The following SPOP variants were observed in gnomAD, a reference collection of about 807,000 sequenced individuals.
SPOP encodes speckle-type POZ protein.
Under a neutral mutation model 45.6 loss-of-function variants are expected in SPOP, and 11 were observed. That is an observed-to-expected ratio of 0.24 (90% CI 0.15 to 0.40). SPOP has a LOEUF of 0.40. Among genes scored for constraint, SPOP ranks in the 10% least tolerant of loss-of-function variants. The probability of loss-of-function intolerance (pLI) is 1.00; values close to 1 mark genes in which losing one functional copy is unlikely to be tolerated. For missense variants in SPOP, 152 were observed against 465.6 expected, an observed-to-expected ratio of 0.33 and a Z score of 6.20; for synonymous variants, 166 against 166.3, an observed-to-expected ratio of 1.00 and a Z score of 0.01.
At chr17:49,654,740 G>A (rs908380533) in intron 1 of SPOP, among the ~76,000 whole-genome samples, 3 of 152,188 alleles carry the variant, frequency 2.0e-5, no homozygotes, top group South Asian at 2.1e-4. Flanking sequence ...GGCTGAGATC[G>A]CATCAATGCA....
chr17:49,630,336 A>T (rs552448669), intron 1 of SPOP, among the ~76,000 whole-genome samples: 19 of 152,190 alleles, frequency 1.2e-4, no homozygotes, highest in Admixed American at 9.8e-4. Flanking sequence ...CATTACCCCA[A>T]GGGTAGTTAT....
Position 49,621,943 on chromosome 17 carries a change from C to T in SPOP, c.200+3G>A, listed in dbSNP as rs937677129. 6.8e-6 allele frequency: 11 copies of T among 1,613,250 alleles called. No homozygotes were observed. The African/African-American group carries it at 1.1e-4, about 16-fold the overall frequency. ...TTTTACAGTTAGACGTATTCTTCCTCACCATTTCAGTTTATCATTTGCTCC... is the reference window on the plus strand; with the variant it reads ...TTTTACAGTTAGACGTATTCTTCCTTACCATTTCAGTTTATCATTTGCTCC... On this transcript the variant is annotated splice_donor_region_variant and intron_variant, in intron 3 of 9. Coordinates refer to ENST00000504102, the MANE Select transcript of SPOP (RefSeq NM_001007228.2).
intron 1 of SPOP, among the ~76,000 whole-genome samples, chr17:49,659,775 A>G (rs1406834403): frequency 6.6e-6 from 1 of 152,138 alleles, no homozygotes; most frequent in Non-Finnish European, 1.5e-5. Context: ...TTCGCATCTC[A>G]AATTTAACAT....
At chr17:49,613,681 T>G (rs764341103) in intron 5 of SPOP, among the ~76,000 whole-genome samples, 2 of 152,198 alleles carry the variant, frequency 1.3e-5, no homozygotes, top group Non-Finnish European at 2.9e-5. Context: ...TGTAGATATA[T>G]AGATGCCTGG....
intron 5 of SPOP, among the ~76,000 whole-genome samples, chr17:49,612,030 A>C (rs2071986165): frequency 6.6e-6 from 1 of 151,994 alleles, no homozygotes; most frequent in Non-Finnish European, 1.5e-5. Flanking sequence ...CTACAGGCGC[A>C]TGCCACTACA....
chr17:49,620,447 G>A (rs36061931), intron 3 of SPOP, among the ~76,000 whole-genome samples: 5,123 of 143,004 alleles, frequency 0.036, 96 homozygotes, highest in Middle Eastern at 0.052. Flanking sequence ...CAGCCTGGGC[G>A]ATAGAGTGAG....
chr17:49,660,179 C>A (rs1597977200), intron 1 of SPOP, among the ~76,000 whole-genome samples: 1 of 152,250 alleles, frequency 6.6e-6, no homozygotes, highest in East Asian at 1.9e-4. Context: ...TCTCTGACCT[C>A]ATTTCTACTA....
Position 49,608,009 on chromosome 17 carries a change from C to A in SPOP, c.659-80G>T, listed in dbSNP as rs537526559. ...TTGTTGCCAGTCATGAGGGAGAGAT[C>A]ATTTTCTAACCTATCCTACTGCTAT... On this transcript the variant is annotated intron_variant, in intron 6 of 9. Transcript: ENST00000504102. The A allele has an allele frequency of 1.2e-4, 160 of 1,304,286 alleles. No homozygotes were observed. The African/African-American group carries it at 2.1e-3, about 17-fold the overall frequency. The allele number at this position is 1,304,286 out of a possible 1,614,324, so 80.8% of individuals were successfully genotyped here. A position where few individuals can be genotyped will look rare whatever the true frequency, so the allele number is the denominator to read the frequency against.
intron 1 of SPOP, among the ~76,000 whole-genome samples, chr17:49,658,249 T>C (rs1018068193): frequency 1.3e-5 from 2 of 152,210 alleles, no homozygotes; most frequent in African/African-American, 4.8e-5. Context: ...CCCAATAAGA[T>C]GTTCAGAAAA....
At chr17:49,650,556 G>T (rs2072829562) in intron 1 of SPOP, among the ~76,000 whole-genome samples, 1 of 152,064 alleles carries the variant, frequency 6.6e-6, no homozygotes, top group South Asian at 2.1e-4. Flanking sequence ...CTCCAGCCTG[G>T]GCAACAGAGC....
At chr17:49,653,770 G>T (rs2072872802) in intron 1 of SPOP, among the ~76,000 whole-genome samples, 1 of 150,542 alleles carries the variant, frequency 6.6e-6, no homozygotes, top group Non-Finnish European at 1.5e-5. Flanking sequence ...CAAAAAAAGA[G>T]AAAGTCAGAA....
At chr17:49,664,401 TCTC>T (rs2073026207) in intron 1 of SPOP, among the ~76,000 whole-genome samples, 1 of 152,208 alleles carries the variant, frequency 6.6e-6, no homozygotes, top group Non-Finnish European at 1.5e-5. Flanking sequence ...ATGCAACTCT[TCTC>T]ATGAATTTTT....
chr17:49,615,934 A>G (rs1395045624), intron 5 of SPOP, among the ~76,000 whole-genome samples: 2 of 152,136 alleles, frequency 1.3e-5, no homozygotes, highest in Non-Finnish European at 2.9e-5. Flanking sequence ...AACCTAGCTC[A>G]AAGGATTGTA....
At chr17:49,628,805 A>ACTTCTTTCCTGC (rs1177349643) in intron 1 of SPOP, among the ~76,000 whole-genome samples, 1 of 152,202 alleles carries the variant, frequency 6.6e-6, no homozygotes, top group East Asian at 1.9e-4. Flanking sequence ...CCTACGGTGC[A>ACTTCTTTCCTGC]CTTCTTTCCT....
At chr17:49,630,088 G>A (rs990653951) in intron 1 of SPOP, among the ~76,000 whole-genome samples, 1 of 152,142 alleles carries the variant, frequency 6.6e-6, no homozygotes, top group African/African-American at 2.4e-5. Flanking sequence ...GCTTTGTACA[G>A]TTTCCAAGTA....
At chr17:49,659,819 C>T (rs910122412) in intron 1 of SPOP, among the ~76,000 whole-genome samples, 3 of 152,154 alleles carry the variant, frequency 2.0e-5, no homozygotes, top group Admixed American at 1.3e-4. Context: ...CTGATCTTCC[C>T]TCCAAATTCC....
intron 1 of SPOP, among the ~76,000 whole-genome samples, chr17:49,630,547 T>G (rs1324351529): frequency 6.6e-6 from 1 of 152,222 alleles, no homozygotes; most frequent in Non-Finnish European, 1.5e-5. Flanking sequence ...CTCTTATGTC[T>G]TTTATCGGGT....
At position 49,666,804 on chromosome 17, in the gene SPOP, G is replaced by A. The variant is rs554016578; in HGVS notation, c.-67+11129C>T. Among the ~76,000 whole-genome samples, 7 of 152,020 alleles carry A rather than the reference G, an allele frequency of 4.6e-5. No individual in the cohort carries two copies. The South Asian group carries it at 1.5e-3, about 32-fold the overall frequency. On this transcript the variant is annotated intron_variant, in intron 1 of 9. Coordinates refer to ENST00000504102, the MANE Select transcript of SPOP (RefSeq NM_001007228.2). ...GATCGCACCACTGCAACTCCAGCCT[G>A]GGCAACAGAATAAGACTCCATCTCA...
chr17:49,600,798 T>A lies in SPOP; in HGVS notation c.981-276A>T. 2.6e-6 allele frequency: 1 copy of A among 378,388 alleles called. No individual in the cohort carries two copies. Among genetic ancestry groups the A allele is most frequent in the South Asian group, 3.4e-5 (1 of 29,488 alleles). 23.4% of individuals were successfully genotyped at this position (378,388 alleles called of 1,614,324 possible). A position where few individuals can be genotyped will look rare whatever the true frequency, so the allele number is the denominator to read the frequency against. ...CCCAGGCCCCCAACACTGCCTATGT[T>A]CCTTATATTCACCGGTGATGCTAGT... On this transcript the variant is annotated intron_variant, in intron 9 of 9. Transcript: ENST00000504102. This position sits in a 1 kb window ranked among gnomAD's most constrained non-coding sequence, Gnocchi z 4.2.
Sources: allele counts gnomAD v4.1 joint callset (sites outside exome capture counted in the v4.1 genomes callset), GRCh38; gene constraint gnomAD v4.1.1; non-coding constraint Gnocchi (gnomAD v3.1); transcripts MANE v1.5; gene names NCBI Gene and HGNC (gene_info 2026-07-23, HGNC 2026-07-21).